Variants in SFMBT2 observed in about 807,000 individuals in gnomAD.
SFMBT2 encodes the protein scm-like with four MBT domains protein 2.
In SFMBT2, 38 loss-of-function variants were observed where a neutral mutation model predicts 110.1. The observed-to-expected ratio is 0.35, with a 90% CI of 0.27 to 0.45. The LOEUF is 0.45. Ranked by LOEUF, SFMBT2 falls within the 20% of genes least tolerant of loss-of-function variation. SFMBT2 has a pLI of 1.00. For synonymous variants in SFMBT2, 425 were observed against 425.4 expected (o/e 1.00, Z 0.01); for missense variants, 1,011 against 1,094.9 (o/e 0.92, Z 1.08).
intron 4 of SFMBT2, among the ~76,000 whole-genome samples, chr10:7,361,363 T>C (rs554454822): frequency 1.3e-5 from 2 of 152,350 alleles, no homozygotes; most frequent in East Asian, 3.9e-4. Flanking sequence ...GAGTCCACAG[T>C]TGAGCCATGT....
At chr10:7,240,196 C>T (rs1190858974) in intron 9 of SFMBT2, among the ~76,000 whole-genome samples, 1 of 152,194 alleles carries the variant, frequency 6.6e-6, no homozygotes, top group Non-Finnish European at 1.5e-5. Context: ...TAATTATTCT[C>T]ATTATTTTCT....
At chr10:7,322,606 G>GAC (rs139616328) in intron 4 of SFMBT2, among the ~76,000 whole-genome samples, 12,454 of 148,638 alleles carry the variant, frequency 0.084, 564 homozygotes, top group Non-Finnish European at 0.11. Flanking sequence ...ACTTATGGAA[G>GAC]ACACACACAC....
At chr10:7,398,266 G>T (rs1845980628) in intron 1 of SFMBT2, among the ~76,000 whole-genome samples, 1 of 152,134 alleles carries the variant, frequency 6.6e-6, no homozygotes. Flanking sequence ...ATCAAACAAT[G>T]TATATTGCCC....
At chr10:7,283,569 C>G (rs1426490827) in intron 6 of SFMBT2, among the ~76,000 whole-genome samples, 1 of 152,136 alleles carries the variant, frequency 6.6e-6, no homozygotes, top group Non-Finnish European at 1.5e-5. Context: ...GATTTCGGAA[C>G]CTACTTACAA....
intron 15 of SFMBT2, among the ~76,000 whole-genome samples, chr10:7,189,798 T>C (rs1838540481): frequency 6.6e-6 from 1 of 152,174 alleles, no homozygotes; most frequent in Non-Finnish European, 1.5e-5. Flanking sequence ...CAAAATACCG[T>C]TGGGAGAGCA....
At chr10:7,320,681 G>A (rs978319526) in intron 4 of SFMBT2, 18 of 903,224 alleles carry the variant, frequency 2.0e-5, no homozygotes, top group Non-Finnish European at 2.4e-5. Context: ...TTCAGATGAA[G>A]AAAGTAAAGT....
chr10:7,324,298 G>A (rs1335013743), intron 4 of SFMBT2, among the ~76,000 whole-genome samples: 3 of 152,108 alleles, frequency 2.0e-5, no homozygotes, highest in Non-Finnish European at 2.9e-5. Context: ...TCTCTCCACC[G>A]CATATTCAGC....
intron 8 of SFMBT2, 94 bp downstream of exon 8, chr10:7,248,454 G>A: frequency 9.6e-7 from 1 of 1,036,972 alleles, no homozygotes; most frequent in South Asian, 1.4e-5. Flanking sequence ...TGATAGCCTT[G>A]CACGAACATA....
At chr10:7,368,998 C>T (rs1844991446) in intron 3 of SFMBT2, among the ~76,000 whole-genome samples, 1 of 152,110 alleles carries the variant, frequency 6.6e-6, no homozygotes, top group African/African-American at 2.4e-5. Context: ...TTGGAAAGAA[C>T]ACTTCACCTC....
rs1201749471 is a variant in SFMBT2, at chr10:7,159,383, C to T, written c.*4387G>A. 3 of 152,064 alleles carry T rather than the reference C, an allele frequency of 2.0e-5. No individual in the cohort carries two copies. The highest frequency in any genetic ancestry group is 6.6e-5 in the Admixed American group (1 of 15,264). The allele number at this position is 152,064 out of a possible 1,614,324, so 9.4% of individuals were successfully genotyped here. A position where few individuals can be genotyped will look rare whatever the true frequency, so the allele number is the denominator to read the frequency against. ...ATAGTATGTTTGGGGTATCTGCAAA[C>T]CATTCTAGTGATAGAGCTATGAGAA... On this transcript the variant is annotated 3_prime_UTR_variant, in exon 21 of 21. Transcript: ENST00000397167.
At chr10:7,227,968 G>A (rs367851633) in intron 9 of SFMBT2, 31 bp from the exon 10 acceptor site, 42 of 1,515,726 alleles carry the variant, frequency 2.8e-5, no homozygotes, top group Admixed American at 9.3e-5. Flanking sequence ...ATAAAACAGC[G>A]CACATTAAGC....
intron 1 of SFMBT2, among the ~76,000 whole-genome samples, 56 bp downstream of exon 1, chr10:7,410,805 G>A (rs1488863376): frequency 1.3e-5 from 2 of 151,030 alleles, no homozygotes; most frequent in South Asian, 2.1e-4. Flanking sequence ...GCGGGCCGAA[G>A]GGCTGCTCTC....
At chr10:7,189,442 T>C (rs1273786299) in intron 15 of SFMBT2, among the ~76,000 whole-genome samples, 2 of 152,228 alleles carry the variant, frequency 1.3e-5, no homozygotes, top group Non-Finnish European at 2.9e-5. Flanking sequence ...AGATACGATG[T>C]TCCTGTTAAC....
At chr10:7,167,938 G>A (rs1198586597) in intron 20 of SFMBT2, among the ~76,000 whole-genome samples, 1 of 152,104 alleles carries the variant, frequency 6.6e-6, no homozygotes, top group Admixed American at 6.5e-5. Flanking sequence ...CATGGTGGCG[G>A]GTGCCTGTAA....
At chr10:7,257,894 T>A (rs1451282921) in intron 7 of SFMBT2, among the ~76,000 whole-genome samples, 1 of 152,196 alleles carries the variant, frequency 6.6e-6, no homozygotes, top group Admixed American at 6.5e-5. Context: ...AGGATTTTCA[T>A]GTAAAAACAA....
chr10:7,243,049 C>G (rs1840484505), intron 9 of SFMBT2, among the ~76,000 whole-genome samples: 1 of 152,180 alleles, frequency 6.6e-6, no homozygotes, highest in African/African-American at 2.4e-5. Context: ...CAATGTGGTT[C>G]TTGAATCCCA....
chr10:7,370,270 G>T lies in SFMBT2; in HGVS notation c.195+11C>A. On this transcript the variant is annotated intron_variant, in intron 3 of 20. Coordinates refer to ENST00000397167, the MANE Select transcript of SFMBT2 (RefSeq NM_001387889.1). ...TCTAGACACAGAGAAGACACAAGCTGCTTTACATACGTGTTTGAATGATGT... is the reference window on the plus strand; with the variant it reads ...TCTAGACACAGAGAAGACACAAGCTTCTTTACATACGTGTTTGAATGATGT... 6.2e-7 allele frequency: 1 copy of T among 1,609,466 alleles called. No individual in the cohort carries two copies. The highest frequency in any genetic ancestry group is 8.5e-7 in the Non-Finnish European group (1 of 1,175,918).
At chr10:7,253,926 C>T (rs1208291593) in intron 7 of SFMBT2, among the ~76,000 whole-genome samples, 1 of 151,122 alleles carries the variant, frequency 6.6e-6, no homozygotes, top group Non-Finnish European at 1.5e-5. Flanking sequence ...AGAATAAAGA[C>T]AAAACAATTA....
intron 1 of SFMBT2, among the ~76,000 whole-genome samples, chr10:7,394,190 G>A (rs1264971669): frequency 2.0e-5 from 3 of 152,070 alleles, no homozygotes; most frequent in Non-Finnish European, 4.4e-5. Context: ...TGTTGCCCAG[G>A]CTGGTCTCGA....
Sources: gnomAD v4.1 joint callset for allele counts (sites outside exome capture counted in the v4.1 genomes callset) on GRCh38, gnomAD v4.1.1 for gene constraint, MANE v1.5 for transcripts, NCBI Gene and HGNC (gene_info 2026-07-23, HGNC 2026-07-21) for gene names.